The following GRM7 variants were observed in gnomAD, a reference collection of about 807,000 sequenced individuals.
GRM7 encodes glutamate metabotropic receptor 7.
GRM7 carries 35 observed loss-of-function variants against 84.5 expected under a neutral mutation model. That is an observed-to-expected ratio of 0.41 (90% CI 0.32 to 0.55). The LOEUF is 0.55. GRM7 is among the 20% of genes least tolerant of loss of function. The pLI is 0.19. For synonymous variants in GRM7, 487 were observed against 455.1 expected (o/e 1.07, Z -0.89); for missense variants, 1,003 against 1,194.6 (o/e 0.84, Z 2.36).
At chr3:7,080,325 C>T (rs1698235969) in intron 1 of GRM7, among the ~76,000 whole-genome samples, 3 of 151,992 alleles carry the variant, frequency 2.0e-5, no homozygotes, top group Non-Finnish European at 4.4e-5. Flanking sequence ...GTTTCCCTTT[C>T]ACATTTGGTC....
intron 1 of GRM7, among the ~76,000 whole-genome samples, chr3:7,134,245 G>T (rs1248473326): frequency 6.6e-6 from 1 of 151,996 alleles, no homozygotes; most frequent in African/African-American, 2.4e-5. Context: ...TGCTATTTTT[G>T]CAGCTATTAA....
At chr3:6,899,412 TTAA>T (rs1260967383) in intron 1 of GRM7, among the ~76,000 whole-genome samples, 4 of 152,282 alleles carry the variant, frequency 2.6e-5, no homozygotes, top group African/African-American at 4.8e-5. Flanking sequence ...AAATATTAAC[TTAA>T]TAAGCATAAA....
chr3:7,638,373 A>C (rs944681863), intron 8 of GRM7, among the ~76,000 whole-genome samples: 1 of 151,982 alleles, frequency 6.6e-6, no homozygotes, highest in Non-Finnish European at 1.5e-5. Flanking sequence ...TTGATACTCA[A>C]AATAACTCTC....
intron 1 of GRM7, among the ~76,000 whole-genome samples, chr3:7,091,072 C>G (rs1184190897): frequency 6.6e-6 from 1 of 152,036 alleles, no homozygotes; most frequent in Non-Finnish European, 1.5e-5. Context: ...CCTATACTTT[C>G]TACTTTGGAA....
chr3:7,559,132 C>CT (rs4054096), intron 7 of GRM7: 19,026 of 134,494 alleles, frequency 0.14, 1,522 homozygotes, highest in African/African-American at 0.22. Context: ...TTAACAGTCG[C>CT]TTTTTTTTTT....
intron 2 of GRM7, among the ~76,000 whole-genome samples, chr3:7,225,616 A>T (rs1442606465): frequency 1.3e-5 from 2 of 150,072 alleles, no homozygotes; most frequent in Admixed American, 1.3e-4. Flanking sequence ...TATAATTTTT[A>T]AAATATTTTA....
At chr3:7,000,168 C>CT (rs35703323) in intron 1 of GRM7, among the ~76,000 whole-genome samples, 14 of 77,678 alleles carry the variant, frequency 1.8e-4, no homozygotes, top group East Asian at 3.8e-4. Flanking sequence ...GAGGTTGTGA[C>CT]TTTTTTTTTT....
chr3:7,013,133 T>TA lies in GRM7; in HGVS notation c.520-133307dup, dbSNP rs796367147. Among the ~76,000 whole-genome samples the TA allele has an allele frequency of 8.9e-4, 53 of 59,478 alleles. 1 individual carries two copies. The highest frequency in any genetic ancestry group is 3.7e-3 in the South Asian group (8 of 2,144). 39.0% of individuals were successfully genotyped at this position (59,478 alleles called of 152,430 possible). On this transcript the variant is annotated intron_variant, in intron 1 of 9. Coordinates refer to ENST00000357716, the MANE Select transcript of GRM7 (RefSeq NM_000844.4). ...AATCCATTCTTCATCAACCCTACCA[T>TA]AAAAAAAAAAAAGTTCAGAAACAGT...
chr3:7,443,982 C>G (rs2124876384), intron 5 of GRM7, among the ~76,000 whole-genome samples: 1 of 152,244 alleles, frequency 6.6e-6, no homozygotes, highest in South Asian at 2.1e-4. Context: ...AAGAACAAAA[C>G]AGGAGGAGGA....
At chr3:7,345,543 C>A (rs1312964720) in intron 4 of GRM7, among the ~76,000 whole-genome samples, 1 of 152,086 alleles carries the variant, frequency 6.6e-6, no homozygotes, top group Non-Finnish European at 1.5e-5. Context: ...CTTGGCCTCC[C>A]AAAGTGCTGG....
chr3:7,591,951 T>C (rs1468810339), intron 8 of GRM7, among the ~76,000 whole-genome samples: 1 of 152,202 alleles, frequency 6.6e-6, no homozygotes, highest in Non-Finnish European at 1.5e-5. Flanking sequence ...ATCAATTCTT[T>C]TACCCTGGAC....
chr3:7,570,542 C>T (rs532291021), intron 7 of GRM7, among the ~76,000 whole-genome samples: 1 of 152,204 alleles, frequency 6.6e-6, no homozygotes, highest in Non-Finnish European at 1.5e-5. Context: ...CCAGGTCATG[C>T]TGATGCAAAA....
At chr3:7,731,050 T>C (rs761765087) in intron 9 of GRM7, among the ~76,000 whole-genome samples, 8 of 151,718 alleles carry the variant, frequency 5.3e-5, no homozygotes, top group Non-Finnish European at 1.2e-4. Context: ...GTTTGATGCT[T>C]TACATCTTAA....
intron 1 of GRM7, among the ~76,000 whole-genome samples, chr3:6,972,319 C>A (rs1460993058): frequency 6.6e-6 from 1 of 152,108 alleles, no homozygotes; most frequent in Non-Finnish European, 1.5e-5. Context: ...TTCCTCAAAC[C>A]TCGGCAGTAC....
chr3:6,913,389 A>T (rs905734794), intron 1 of GRM7, among the ~76,000 whole-genome samples: 2 of 152,168 alleles, frequency 1.3e-5, no homozygotes, highest in African/African-American at 4.8e-5. Context: ...AACTAAAACT[A>T]AATGGGTAGG....
At chr3:6,948,647 C>T (rs1219354981) in intron 1 of GRM7, among the ~76,000 whole-genome samples, 3 of 152,152 alleles carry the variant, frequency 2.0e-5, no homozygotes, top group Non-Finnish European at 4.4e-5. Context: ...CTAATATTGA[C>T]AGTGCAGTGT....
chr3:7,015,553 A>G (rs953618201), intron 1 of GRM7, among the ~76,000 whole-genome samples: 2 of 152,222 alleles, frequency 1.3e-5, no homozygotes, highest in Non-Finnish European at 2.9e-5. Flanking sequence ...AACATATCCC[A>G]GTTTCTATGG....
chr3:7,077,022 G>C (rs1271582450), intron 1 of GRM7, among the ~76,000 whole-genome samples: 1 of 152,164 alleles, frequency 6.6e-6, no homozygotes, highest in Non-Finnish European at 1.5e-5. Context: ...ACCACGGTGA[G>C]ATACCATCTC....
chr3:7,411,051 C>A (rs1009670321), intron 4 of GRM7, among the ~76,000 whole-genome samples: 1 of 152,004 alleles, frequency 6.6e-6, no homozygotes, highest in Admixed American at 6.6e-5. Context: ...GGCTGCAATA[C>A]CCCATCTGTG....
Sources: allele counts gnomAD v4.1 joint callset (sites outside exome capture counted in the v4.1 genomes callset), GRCh38; gene constraint gnomAD v4.1.1; transcripts MANE v1.5; gene names NCBI Gene and HGNC (gene_info 2026-07-23, HGNC 2026-07-21).